The following TRMT11 variants were observed in gnomAD, a reference collection of about 807,000 sequenced individuals.
TRMT11 encodes tRNA (guanine(10)-N(2))-methyltransferase TRMT11.
TRMT11 carries 53 observed loss-of-function variants against 62.8 expected under a neutral mutation model. The ratio of observed to expected loss-of-function variants is 0.84; its 90% CI spans 0.68 to 1.06. TRMT11 has a LOEUF of 1.06. TRMT11 is among the 50% of genes least tolerant of loss of function. TRMT11 has a pLI of 0.00. For synonymous variants in TRMT11, 188 were observed against 190.3 expected (o/e 0.99, Z 0.10); for missense variants, 556 against 553.4 (o/e 1.00, Z -0.05).
At chr6:126,206,174 T>A (rs1047639224), downstream of TRMT11, among the ~76,000 whole-genome samples, 5 of 152,242 alleles carry the variant, frequency 3.3e-5, no homozygotes, top group African/African-American at 1.2e-4. Context: ...GCCAAAGCCA[T>A]TTCTTTATAT....
Position 125,998,557 on chromosome 6 carries a change from A to T in TRMT11, c.395A>T (p.Glu132Val), listed in dbSNP as rs1486822803. The T allele has an allele frequency of 6.2e-7, 1 of 1,611,502 alleles. No individual in the cohort carries two copies. Among genetic ancestry groups the T allele is most frequent in the East Asian group, 2.2e-5 (1 of 44,780 alleles). The change falls in exon 6 of 13, where the codon GAA becomes GTA. Residue 132 changes from glutamate to valine, a missense_variant. Coordinates refer to ENST00000334379, the MANE Select transcript of TRMT11 (RefSeq NM_001031712.3). ...EEKIKRIDAL[E>V]FLPFEGKVNL... ...TTCTTTTGTTTCTTTTAGGCACTTG[A>T]ATTTCTGCCATTTGAAGGAAAAGTG...
At chr6:126,015,504 C>T (rs1794871864) in intron 11 of TRMT11, among the ~76,000 whole-genome samples, 1 of 152,118 alleles carries the variant, frequency 6.6e-6, no homozygotes, top group Admixed American at 6.5e-5. Flanking sequence ...AGGTGTGAGC[C>T]ACTGCGCCCA....
intron 17 of TRMT11, among the ~76,000 whole-genome samples, chr6:126,064,599 A>G (rs989343467): frequency 2.6e-5 from 4 of 152,084 alleles, no homozygotes; most frequent in Non-Finnish European, 5.9e-5. Context: ...ATTAGAGACA[A>G]TTTTGAAACT....
At chr6:126,212,134 T>C in the TRMT11 span, among the ~76,000 whole-genome samples, 1 of 152,178 alleles carries the variant, frequency 6.6e-6, no homozygotes, top group South Asian at 2.1e-4. Context: ...TACTCTATTA[T>C]ATGATATGTA....
At chr6:126,089,461 A>G (rs900203284) in intron 17 of TRMT11, among the ~76,000 whole-genome samples, 1 of 152,184 alleles carries the variant, frequency 6.6e-6, no homozygotes, top group African/African-American at 2.4e-5. Context: ...ATCATGTGCT[A>G]GTATAACACC....
At chr6:126,188,722 T>TGTATATA (rs1778556309) in intron 1 of TRMT11, among the ~76,000 whole-genome samples, 1 of 152,152 alleles carries the variant, frequency 6.6e-6, no homozygotes, top group African/African-American at 2.4e-5. Flanking sequence ...ATTAAAGCCT[T>TGTATATA]GTTAAGTCAG....
chr6:126,054,179 T>A (rs9375422), intron 17 of TRMT11, among the ~76,000 whole-genome samples: 63,545 of 152,024 alleles, frequency 0.42, 15,601 homozygotes, highest in East Asian at 0.94. Flanking sequence ...CAAAATGGTG[T>A]CCTTGGCTGA....
intron 21 of TRMT11, among the ~76,000 whole-genome samples, chr6:126,139,470 G>A (rs1289350018): frequency 6.6e-6 from 1 of 152,004 alleles, no homozygotes; most frequent in Admixed American, 6.6e-5. Flanking sequence ...CTGGGTTCAA[G>A]CAATTCTCCT....
intron 21 of TRMT11, among the ~76,000 whole-genome samples, chr6:126,141,399 A>C (rs954930170): frequency 1.3e-5 from 2 of 152,176 alleles, no homozygotes; most frequent in Admixed American, 6.6e-5. Context: ...ACACATGTTA[A>C]ATCAGTGAGA....
chr6:126,217,509 G>C, the TRMT11 span, among the ~76,000 whole-genome samples: 1 of 152,302 alleles, frequency 6.6e-6, no homozygotes, highest in East Asian at 1.9e-4. Context: ...ATACCACCGG[G>C]ATGGTCTTGG....
At chr6:126,229,191 T>C in the TRMT11 span, among the ~76,000 whole-genome samples, 9 of 152,258 alleles carry the variant, frequency 5.9e-5, no homozygotes, top group East Asian at 1.3e-3. Flanking sequence ...TTTAAACTTA[T>C]TGAAAATTTT....
the TRMT11 span, among the ~76,000 whole-genome samples, chr6:126,269,443 T>A: frequency 6.6e-6 from 1 of 151,968 alleles, no homozygotes; most frequent in Non-Finnish European, 1.5e-5. Flanking sequence ...GAGATACCAG[T>A]CAAGTGGAAA....
chr6:125,990,028 A>T (rs1341729336), intron 1 of TRMT11, among the ~76,000 whole-genome samples: 1 of 152,078 alleles, frequency 6.6e-6, no homozygotes, highest in Admixed American at 6.5e-5. Flanking sequence ...TATTTTTCAG[A>T]TCCACAGTTC....
chr6:126,146,126 C>G (rs1342646355), intron 21 of TRMT11, among the ~76,000 whole-genome samples: 3 of 152,216 alleles, frequency 2.0e-5, no homozygotes, highest in Non-Finnish European at 4.4e-5. Flanking sequence ...TTTGAATATA[C>G]ATGATGGGAA....
chr6:126,111,123 T>C (rs912151286), intron 17 of TRMT11, among the ~76,000 whole-genome samples: 1 of 152,094 alleles, frequency 6.6e-6, no homozygotes, highest in Non-Finnish European at 1.5e-5. Flanking sequence ...TCTAACACTT[T>C]AATCCTCTTC....
chr6:126,266,650 A>G, the TRMT11 span, among the ~76,000 whole-genome samples: 9 of 152,270 alleles, frequency 5.9e-5, no homozygotes, highest in African/African-American at 2.2e-4. Context: ...AATGAGGTGC[A>G]AAACCTCCTC....
chr6:125,989,153 G>A (rs1284183551), intron 1 of TRMT11, among the ~76,000 whole-genome samples: 2 of 134,078 alleles, frequency 1.5e-5, no homozygotes, highest in African/African-American at 5.7e-5. Flanking sequence ...TTTTTGAGAC[G>A]GAGTCTCGCT....
chr6:126,025,770 G>C (rs746152191), intron 12 of TRMT11, among the ~76,000 whole-genome samples: 1 of 152,104 alleles, frequency 6.6e-6, no homozygotes, highest in Non-Finnish European at 1.5e-5. Flanking sequence ...GTTAGTTTTA[G>C]ATTTTTACAC....
At chr6:126,150,301 C>T (rs9388472) in intron 21 of TRMT11, among the ~76,000 whole-genome samples, 31,383 of 152,036 alleles carry the variant, frequency 0.21, 3,386 homozygotes, top group Middle Eastern at 0.33. Context: ...AGATGTGTCT[C>T]CTCAACCTTG....
Sources: gnomAD v4.1 joint callset for allele counts (sites outside exome capture counted in the v4.1 genomes callset) on GRCh38, gnomAD v4.1.1 for gene constraint, MANE v1.5 for transcripts, NCBI Gene and HGNC (gene_info 2026-07-23, HGNC 2026-07-21) for gene names.